The following ROBO1 variants were observed in gnomAD, a reference collection of about 807,000 sequenced individuals.
The protein encoded by ROBO1 is roundabout guidance receptor 1, also known as roundabout homolog 1.
Under a neutral mutation model 195.9 loss-of-function variants are expected in ROBO1, and 149 were observed. The ratio of observed to expected loss-of-function variants is 0.76; its 90% CI spans 0.67 to 0.87. The LOEUF is 0.87. Ranked by LOEUF, ROBO1 falls within the 40% of genes least tolerant of loss-of-function variation. The pLI, the probability that ROBO1 is intolerant of heterozygous loss-of-function variation, is 0.00. For missense variants in ROBO1, 1,933 were observed against 2,068.3 expected (o/e 0.93, Z 1.27); for synonymous variants, 816 against 733.2 (o/e 1.11, Z -1.82).
At chr3:78,750,343 C>T (rs1330234591) in intron 4 of ROBO1, among the ~76,000 whole-genome samples, 1 of 151,670 alleles carries the variant, frequency 6.6e-6, no homozygotes, top group East Asian at 1.9e-4. Context: ...GTTGCAGCTA[C>T]TCAGGAGGCT....
chr3:79,645,467 AC>A lies in ROBO1; in HGVS notation c.-50-55507del, dbSNP rs1467174175. ...CAGTGAGCTATGATCTTGCCACTGC[AC>A]TATAGCCCGGGAGACAATTTGAAAC... is the stretch of plus-strand genomic sequence containing the variant. On this transcript the variant is annotated intron_variant, in intron 1 of 30. Coordinates refer to ENST00000464233, the MANE Select transcript of ROBO1 (RefSeq NM_002941.4). 5.9e-5 allele frequency among the ~76,000 whole-genome samples: 9 copies of A among 152,238 alleles called. No individual in the cohort carries two copies. The South Asian group carries it at 1.9e-3, about 32-fold the overall frequency.
intron 1 of ROBO1, among the ~76,000 whole-genome samples, chr3:79,678,374 G>T (rs886209173): frequency 6.6e-6 from 1 of 151,832 alleles, no homozygotes; most frequent in Middle Eastern, 3.4e-3. Flanking sequence ...CTATTATATC[G>T]ATAAGCATTT....
intron 2 of ROBO1, among the ~76,000 whole-genome samples, chr3:79,413,529 T>C (rs1426615444): frequency 6.6e-6 from 1 of 152,134 alleles, no homozygotes; most frequent in Non-Finnish European, 1.5e-5. Context: ...CAGTTGAATG[T>C]TACCATATGG....
At chr3:78,750,486 TAAATAAATAAATA>T (rs2082764084) in intron 4 of ROBO1, among the ~76,000 whole-genome samples, 1 of 147,822 alleles carries the variant, frequency 6.8e-6, no homozygotes, top group African/African-American at 2.5e-5. Context: ...AATAAATAAA[TAAATAAATAAATA>T]AAATAAAATA....
At chr3:79,231,263 T>C (rs1172233926) in intron 2 of ROBO1, among the ~76,000 whole-genome samples, 5 of 151,972 alleles carry the variant, frequency 3.3e-5, no homozygotes, top group Non-Finnish European at 5.9e-5. Flanking sequence ...AAAAGACTGT[T>C]AGCAGAGTAA....
intron 5 of ROBO1, among the ~76,000 whole-genome samples, chr3:78,741,218 G>GCCTGCAATT (rs2082526138): frequency 6.6e-6 from 1 of 151,986 alleles, no homozygotes; most frequent in African/African-American, 2.4e-5. Context: ...TCATCTCTAT[G>GCCTGCAATT]CCTGCAATTC....
At chr3:79,545,396 T>C (rs961004148) in intron 2 of ROBO1, among the ~76,000 whole-genome samples, 1 of 152,194 alleles carries the variant, frequency 6.6e-6, no homozygotes, top group African/African-American at 2.4e-5. Context: ...TTGTATAGTA[T>C]AGACACTAAA....
At chr3:79,554,062 C>A (rs2107683660) in intron 2 of ROBO1, among the ~76,000 whole-genome samples, 1 of 152,050 alleles carries the variant, frequency 6.6e-6, no homozygotes, top group African/African-American at 2.4e-5. Flanking sequence ...GGTTATATGT[C>A]ATTTCATACC....
chr3:78,598,877 T>G lies in ROBO1; in HGVS notation c.*36A>C. On this transcript the variant is annotated 3_prime_UTR_variant, in exon 31 of 31. Transcript: ENST00000464233. ...TGACAGGAGGCATCTTGAGTGATGA[T>G]TTTCACATTAGATCTCATAAGCCTC... 1 of 1,487,576 alleles carries G rather than the reference T, an allele frequency of 6.7e-7. No individual in the cohort carries two copies. The highest frequency in any genetic ancestry group is 9.2e-7 in the Non-Finnish European group (1 of 1,090,886). 92.1% of individuals were successfully genotyped at this position (1,487,576 alleles called of 1,614,324 possible).
intron 4 of ROBO1, among the ~76,000 whole-genome samples, chr3:78,922,605 CTT>C (rs565147879): frequency 0.022 from 2,721 of 123,046 alleles, 70 homozygotes; most frequent in African/African-American, 0.078. Context: ...TCTTCTTCTT[CTT>C]TTTTTTTTTT....
At chr3:78,959,935 T>G (rs2107825319) in intron 3 of ROBO1, among the ~76,000 whole-genome samples, 1 of 152,256 alleles carries the variant, frequency 6.6e-6, no homozygotes, top group African/African-American at 2.4e-5. Flanking sequence ...AAGTATATGC[T>G]TTTGGGGAGT....
chr3:79,492,445 AAG>A (rs200203611), intron 2 of ROBO1, among the ~76,000 whole-genome samples: 2,912 of 150,150 alleles, frequency 0.019, 66 homozygotes, highest in African/African-American at 0.068. Flanking sequence ...AAAAAAAAAA[AAG>A]AGACTGTAGA....
At chr3:78,937,423 T>C (rs1274248442) in intron 4 of ROBO1, among the ~76,000 whole-genome samples, 1 of 151,954 alleles carries the variant, frequency 6.6e-6, no homozygotes, top group Non-Finnish European at 1.5e-5. Flanking sequence ...ATATACATGG[T>C]TATTTATATA....
At chr3:79,557,742 AAAT>A (rs1559990989) in intron 2 of ROBO1, among the ~76,000 whole-genome samples, 16 of 103,284 alleles carry the variant, frequency 1.5e-4, no homozygotes, top group African/African-American at 8.4e-4. Context: ...AAACAAAAAA[AAAT>A]ATATATATAT....
chr3:78,893,438 G>T (rs2037027520), intron 4 of ROBO1, among the ~76,000 whole-genome samples: 1 of 152,150 alleles, frequency 6.6e-6, no homozygotes, highest in African/African-American at 2.4e-5. Flanking sequence ...CAAACTGGCT[G>T]ATGCCTTGAC....
chr3:79,380,408 A>G (rs893968183), intron 2 of ROBO1, among the ~76,000 whole-genome samples: 2 of 152,134 alleles, frequency 1.3e-5, no homozygotes, highest in African/African-American at 4.8e-5. Context: ...CTTTCTAGCT[A>G]CCAAGTCATC....
chr3:79,494,886 CT>C (rs1212008459), intron 2 of ROBO1, among the ~76,000 whole-genome samples: 6 of 152,152 alleles, frequency 3.9e-5, no homozygotes, highest in Non-Finnish European at 5.9e-5. Flanking sequence ...CATATGACCC[CT>C]AATAGGGAGG....
chr3:79,236,598 T>C (rs1370977919), intron 2 of ROBO1, among the ~76,000 whole-genome samples: 1 of 152,196 alleles, frequency 6.6e-6, no homozygotes, highest in African/African-American at 2.4e-5. Context: ...TATTATTTTT[T>C]AAATTTTTCT....
intron 3 of ROBO1, among the ~76,000 whole-genome samples, chr3:78,950,054 C>T (rs940922421): frequency 1.3e-5 from 2 of 152,170 alleles, no homozygotes; most frequent in Non-Finnish European, 2.9e-5. Context: ...CACTTTTCCA[C>T]TGTTGGTGGG....
Sources: allele counts gnomAD v4.1 joint callset (sites outside exome capture counted in the v4.1 genomes callset), GRCh38; gene constraint gnomAD v4.1.1; transcripts MANE v1.5; gene names NCBI Gene and HGNC (gene_info 2026-07-23, HGNC 2026-07-21).